The following RNF38 variants were observed in gnomAD, a reference collection of about 807,000 sequenced individuals.
RNF38 encodes the protein ring finger protein 38.
Under a neutral mutation model 67.2 loss-of-function variants are expected in RNF38, and 15 were observed. The ratio of observed to expected loss-of-function variants is 0.22; its 90% confidence interval spans 0.15 to 0.34. The LOEUF (loss-of-function observed/expected upper bound fraction) is 0.34, where lower values mean the gene tolerates loss of function less well. Among genes scored for constraint, RNF38 ranks in the 10% least tolerant of loss-of-function variants. The probability of loss-of-function intolerance (pLI) is 1.00; values close to 1 mark genes in which losing one functional copy is unlikely to be tolerated. For synonymous variants in RNF38, 220 were observed against 218.8 expected (o/e 1.01, Z -0.05); for missense variants, 524 against 639.9 (o/e 0.82, Z 1.95).
intron 1 of RNF38, among the ~76,000 whole-genome samples, chr9:36,452,400 T>C (rs1385966727): frequency 7.3e-6 from 1 of 137,804 alleles, no homozygotes; most frequent in Non-Finnish European, 1.5e-5. Context: ...TAATTTACTT[T>C]CCCAATGAAT....
intron 2 of RNF38, among the ~76,000 whole-genome samples, chr9:36,416,870 A>G (rs1838488342): frequency 6.8e-6 from 1 of 146,202 alleles, no homozygotes; most frequent in Non-Finnish European, 1.5e-5. Context: ...CTCCTGCCTC[A>G]GCTGCCTAAG....
At chr9:36,480,423 A>G (rs565910536) in intron 1 of RNF38, among the ~76,000 whole-genome samples, 1 of 152,318 alleles carries the variant, frequency 6.6e-6, no homozygotes, top group East Asian at 1.9e-4. Flanking sequence ...TGCAGCCACT[A>G]AAATCCAAGG....
At chr9:36,420,364 C>T (rs1039585165) in intron 2 of RNF38, among the ~76,000 whole-genome samples, 8 of 151,862 alleles carry the variant, frequency 5.3e-5, no homozygotes, top group African/African-American at 1.9e-4. Flanking sequence ...AACCCCCTCT[C>T]TACTACAAAT....
intron 3 of RNF38, 33 bp downstream of exon 3, chr9:36,375,899 AAG>A: frequency 6.4e-7 from 1 of 1,557,292 alleles, no homozygotes; most frequent in Non-Finnish European, 8.7e-7. Context: ...CTACCAATGG[AAG>A]AAAACTTAAG....
chr9:36,436,754 TGGAGCTTGCGTGA>T (rs1839078001), intron 1 of RNF38, among the ~76,000 whole-genome samples: 1 of 129,054 alleles, frequency 7.7e-6, no homozygotes, highest in Admixed American at 1.0e-4. Context: ...ACCCGGGAGG[TGGAGCTTGCGTGA>T]GCCCAGATAG....
chr9:36,368,623 AT>A lies in RNF38; in HGVS notation c.570+1095del, dbSNP rs797001094. Among the ~76,000 whole-genome samples the A allele has an allele frequency of 7.2e-5, 11 of 152,320 alleles. 1 individual carries two copies. Among genetic ancestry groups the A allele is most frequent in the African/African-American group, 2.6e-4 (11 of 41,574 alleles). On this transcript the variant is annotated intron_variant, in intron 4 of 11. Transcript: ENST00000259605. Reference sequence around the variant, plus strand: ...TACTTTTATCAGGTTACGGCCACAAATAAGGTAAGCTTTCCTACATGATCAA... The same window carrying A: ...TACTTTTATCAGGTTACGGCCACAAAAAGGTAAGCTTTCCTACATGATCAA...
chr9:36,477,299 G>T (rs1160983834), intron 1 of RNF38, among the ~76,000 whole-genome samples: 1 of 151,224 alleles, frequency 6.6e-6, no homozygotes, highest in African/African-American at 2.4e-5. Flanking sequence ...CTCCAGCCTG[G>T]GTGACAGAGC....
Position 36,386,454 on chromosome 9 carries a change from T to G in RNF38, c.162+4013A>C, listed in dbSNP as rs140264558. Among the ~76,000 whole-genome samples, 447 of 152,356 alleles carry G rather than the reference T, an allele frequency of 2.9e-3. 1 individual carries two copies. Among genetic ancestry groups the G allele is most frequent in the Non-Finnish European group, 4.8e-3 (324 of 68,030 alleles). ...CAGAAACCTGGCATATTTCTCTATG[T>G]GTATAGCTTTTCAAATTTTCATTCA... On this transcript the variant is annotated intron_variant, in intron 2 of 11. Transcript: ENST00000259605.
intron 1 of RNF38, among the ~76,000 whole-genome samples, chr9:36,456,753 G>C (rs1392242879): frequency 1.3e-5 from 2 of 152,038 alleles, no homozygotes; most frequent in African/African-American, 4.8e-5. Flanking sequence ...CCTGAATCCA[G>C]AACTGTTATA....
At chr9:36,473,892 C>T (rs1296155243) in intron 1 of RNF38, among the ~76,000 whole-genome samples, 1 of 147,662 alleles carries the variant, frequency 6.8e-6, no homozygotes, top group Non-Finnish European at 1.5e-5. Context: ...GAGGCTGAGG[C>T]AGAGAATTGC....
intron 1 of RNF38, among the ~76,000 whole-genome samples, chr9:36,459,654 A>G (rs750745265): frequency 2.6e-5 from 4 of 152,200 alleles, no homozygotes; most frequent in Non-Finnish European, 5.9e-5. Flanking sequence ...CACAGGCTAC[A>G]TAAAATATTA....
chr9:36,487,208 C>T, intron 1 of RNF38: 1 of 749,858 alleles, frequency 1.3e-6, no homozygotes, highest in Non-Finnish European at 1.6e-6. Context: ...AACGCTCCTC[C>T]CCGTCGGCGG....
At position 36,345,098 on chromosome 9, in the gene RNF38, C is replaced by T. The variant is rs1413813942; in HGVS notation, c.1264-145G>A. On this transcript the variant is annotated intron_variant, in intron 9 of 11. Transcript: ENST00000259605. ...CAGGCATGATCATTGTGCACTGTGGCCTCGAACTCCTGACCTCATGCAATA... is the reference window on the plus strand; with the variant it reads ...CAGGCATGATCATTGTGCACTGTGGTCTCGAACTCCTGACCTCATGCAATA... 8.4e-6 allele frequency: 6 copies of T among 712,704 alleles called. No individual in the cohort carries two copies. In the Admixed American group the frequency reaches 1.7e-4, roughly 20 times the overall value. 44.1% of individuals were successfully genotyped at this position (712,704 alleles called of 1,614,324 possible). A position where few individuals can be genotyped will look rare whatever the true frequency, so the allele number is the denominator to read the frequency against.
At chr9:36,427,938 G>A (rs754276495) in intron 1 of RNF38, among the ~76,000 whole-genome samples, 1 of 150,894 alleles carries the variant, frequency 6.6e-6, no homozygotes, top group Non-Finnish European at 1.5e-5. Flanking sequence ...TCAAACTCCC[G>A]ACCTCAGGTG....
intron 2 of RNF38, 25 bp downstream of exon 2, chr9:36,390,442 A>G: frequency 6.3e-7 from 1 of 1,592,456 alleles, no homozygotes; most frequent in Non-Finnish European, 8.6e-7. Flanking sequence ...AGCCCTATGT[A>G]GGGAAAGGGT....
chr9:36,400,550 G>A (rs1486648806), upstream of RNF38: 4 of 989,048 alleles, frequency 4.0e-6, no homozygotes, highest in South Asian at 9.3e-5. Flanking sequence ...GCGGCGGCCA[G>A]TACCTGCGAG....
At chr9:36,418,048 ATT>A (rs35596314) in intron 2 of RNF38, among the ~76,000 whole-genome samples, 21 of 141,266 alleles carry the variant, frequency 1.5e-4, no homozygotes, top group Admixed American at 1.4e-4. Flanking sequence ...TCAATATGTG[ATT>A]TTTTTTTTTT....
intron 2 of RNF38, among the ~76,000 whole-genome samples, chr9:36,420,546 A>AAAAAAAAAAAAAAAAAAAAAAAAAAC (rs1225994268): frequency 6.6e-6 from 1 of 150,702 alleles, no homozygotes; most frequent in Non-Finnish European, 1.5e-5. Flanking sequence ...AAAAAAAAAA[A>AAAAAAAAAAAAAAAAAAAAAAAAAAC]AGAGGACAAC....
At chr9:36,350,397 T>C (rs913224216) in intron 9 of RNF38, among the ~76,000 whole-genome samples, 3 of 152,220 alleles carry the variant, frequency 2.0e-5, no homozygotes, top group African/African-American at 7.2e-5. Context: ...TAGTGGCTCC[T>C]TCCTCCTCCA....
Sources: gnomAD v4.1 joint callset for allele counts (sites outside exome capture counted in the v4.1 genomes callset) on GRCh38, gnomAD v4.1.1 for gene constraint, MANE v1.5 for transcripts, NCBI Gene and HGNC (gene_info 2026-07-23, HGNC 2026-07-21) for gene names.